Variants in MMP15 observed in about 807,000 individuals in gnomAD.
MMP15 encodes matrix metallopeptidase 15.
A neutral mutation model predicts 65.0 loss-of-function variants in MMP15; 36 were observed. That is an observed-to-expected ratio of 0.55 (90% CI 0.42 to 0.73). MMP15 has a LOEUF of 0.73. MMP15 is among the 30% of genes least tolerant of loss of function. MMP15 has a pLI of 0.00. For synonymous variants in MMP15, 428 were observed against 410.2 expected (o/e 1.04, Z -0.52); for missense variants, 870 against 987.8 (o/e 0.88, Z 1.60).
intron 1 of MMP15, among the ~76,000 whole-genome samples, 191 bp from the exon 2 acceptor site, chr16:58,037,281 T>G (rs1283768618): frequency 6.6e-6 from 1 of 152,190 alleles, no homozygotes; most frequent in East Asian, 1.9e-4. Context: ...CTGGCCTTTG[T>G]TCTGGCTCTT....
intron 1 of MMP15, among the ~76,000 whole-genome samples, chr16:58,031,593 A>C (rs1227819036): frequency 6.6e-6 from 1 of 152,170 alleles, no homozygotes; most frequent in Non-Finnish European, 1.5e-5. Context: ...CTCCAAGTTA[A>C]GGAGTGTGGG....
At position 58,043,162 on chromosome 16, in the gene MMP15, C is replaced by T. The variant is rs373593054; in HGVS notation, c.1304-48C>T. ...AAGAGCATTCTTTTCCCGCACACACCCCTCAGCCCCAGGCCTGACCTCACT... is the reference window on the plus strand; with the variant it reads ...AAGAGCATTCTTTTCCCGCACACACTCCTCAGCCCCAGGCCTGACCTCACT... On this transcript the variant is annotated intron_variant, in intron 7 of 9. Transcript: ENST00000219271. The T allele has an allele frequency of 1.1e-5, 17 of 1,492,072 alleles. No homozygotes were observed. The African/African-American group carries it at 1.7e-4, about 15-fold the overall frequency. The allele number at this position is 1,492,072 out of a possible 1,614,324, so 92.4% of individuals were successfully genotyped here. A position where few individuals can be genotyped will look rare whatever the true frequency, so the allele number is the denominator to read the frequency against.
In MMP15 at chr16:58,045,012, A is replaced by C; in HGVS notation, c.1576A>C (p.Thr526Pro). ...GAFLSNDAAYTYFYKGTKYWK... is the reference protein window; with the variant it reads ...GAFLSNDAAYPYFYKGTKYWK... ...TGGCCTCCTTGCCCCTGCAGCCTAC[A>C]CCTACTTCTACAAGGGCACCAAATA... The change falls in exon 10 of 10, where the codon ACC becomes CCC. Residue 526 changes from threonine to proline, a missense_variant. Thr to Pro is a conservative substitution (Grantham distance 38, BLOSUM62 -1). Transcript: ENST00000219271. 1 of 1,613,246 alleles carries C rather than the reference A, an allele frequency of 6.2e-7. No homozygotes were observed. The highest frequency in any genetic ancestry group is 8.5e-7 in the Non-Finnish European group (1 of 1,179,962).
Position 58,027,611 on chromosome 16 carries a change from C to T in MMP15, c.162+1099C>T, listed in dbSNP as rs536764781. On this transcript the variant is annotated intron_variant, in intron 1 of 9. Coordinates refer to ENST00000219271, the MANE Select transcript of MMP15 (RefSeq NM_002428.4). ...GCTCAGCTGGTGCTCCCTCCCTGGC[C>T]CACGGCGGCTTTCCCACCTCTCCGG... Among the ~76,000 whole-genome samples the T allele has an allele frequency of 2.6e-5, 4 of 152,276 alleles. No homozygotes were observed. In the South Asian group the frequency reaches 8.3e-4, roughly 32 times the overall value.
intron 7 of MMP15, 63 bp from the exon 8 acceptor site, chr16:58,043,147 T>G (rs1959486830): frequency 1.4e-6 from 2 of 1,443,096 alleles, no homozygotes. Context: ...AAGAGCATTC[T>G]TTTCCCGCAC....
chr16:58,036,739 G>C (rs1360529031), intron 1 of MMP15, among the ~76,000 whole-genome samples: 1 of 152,214 alleles, frequency 6.6e-6, no homozygotes, highest in South Asian at 2.1e-4. Flanking sequence ...CCTTCCAGGA[G>C]ATTTAAGGTC....
chr16:58,026,307 G>A lies in MMP15; in HGVS notation c.-44G>A, dbSNP rs1963812930. ...TCGCAAGTTTCCAAGGCGCGTGCGA[G>A]GATCCGGCGTGCAGTGTTCCGAGCT... is the stretch of plus-strand genomic sequence containing the variant. On this transcript the variant is annotated 5_prime_UTR_variant, in exon 1 of 10. Transcript: ENST00000219271. 1 of 1,251,546 alleles carries A rather than the reference G, an allele frequency of 8.0e-7. No homozygotes were observed. Among genetic ancestry groups the A allele is most frequent in the Non-Finnish European group, 1.0e-6 (1 of 997,956 alleles). The allele number at this position is 1,251,546 out of a possible 1,614,324, so 77.5% of individuals were successfully genotyped here.
At chr16:58,033,653 A>C (rs1959277467) in intron 1 of MMP15, among the ~76,000 whole-genome samples, 1 of 152,258 alleles carries the variant, frequency 6.6e-6, no homozygotes, top group Non-Finnish European at 1.5e-5. Context: ...CTGTAATCCC[A>C]GCAATTTGGG....
intron 1 of MMP15, 149 bp from the exon 2 acceptor site, chr16:58,037,323 T>C: frequency 1.0e-6 from 1 of 978,514 alleles, no homozygotes; most frequent in Non-Finnish European, 1.5e-6. Context: ...AGGAGGGTGC[T>C]GAGGCTCACA....
intron 3 of MMP15, among the ~76,000 whole-genome samples, chr16:58,039,271 A>G (rs1342926729): frequency 1.3e-5 from 2 of 152,218 alleles, no homozygotes; most frequent in African/African-American, 4.8e-5. Context: ...CGTCTCTACT[A>G]AAAATACAAA....
rs923021782 is a variant in MMP15, at chr16:58,045,573, ATTAT to A, written c.*132_*135del. 2.4e-5 allele frequency: 17 copies of A among 719,440 alleles called. No individual in the cohort carries two copies. The African/African-American group carries it at 3.1e-4, about 13-fold the overall frequency. The allele number at this position is 719,440 out of a possible 1,614,324, so 44.6% of individuals were successfully genotyped here. A position where few individuals can be genotyped will look rare whatever the true frequency, so the allele number is the denominator to read the frequency against. ...CACACACCCTGTCTGCCCCGCCCTC[ATTAT>A]TTATGTCCAGGTGTTTGTTTTGTTT... On this transcript the variant is annotated 3_prime_UTR_variant, in exon 10 of 10. Transcript: ENST00000219271.
At position 58,045,230 on chromosome 16, in the gene MMP15, T is replaced by C. The variant is rs765258950; in HGVS notation, c.1794T>C (p.Asp598=). ...CAGAGGGCGACGTGGGGGATGGGGATGGGGACTTTGGGGCCGGGGTCAACA... is the reference window on the plus strand; with the variant it reads ...CAGAGGGCGACGTGGGGGATGGGGACGGGGACTTTGGGGCCGGGGTCAACA... ...DSAEGDVGDG[D]GDFGAGVNKD... is the part of the protein sequence containing the mutation. The change falls in exon 10 of 10, where the codon GAT becomes GAC. Residue 598 remains aspartate, a synonymous_variant. Coordinates refer to ENST00000219271, the MANE Select transcript of MMP15 (RefSeq NM_002428.4). 6.2e-7 allele frequency: 1 copy of C among 1,601,962 alleles called. No homozygotes were observed. Among genetic ancestry groups the C allele is most frequent in the South Asian group, 1.1e-5 (1 of 88,778 alleles).
Position 58,045,289 on chromosome 16 carries a change from A to G in MMP15, c.1853A>G (p.Glu618Gly), listed in dbSNP as rs1959539071. 6.2e-7 allele frequency: 1 copy of G among 1,610,560 alleles called. No individual in the cohort carries two copies. Among genetic ancestry groups the G allele is most frequent in the African/African-American group, 1.3e-5 (1 of 74,798 alleles). Residue 618 changes from glutamate (E) to glycine (G), a missense_variant, in exon 10 of 10, where the codon GAG becomes GGG. Glu to Gly is a moderately conservative substitution (Grantham distance 98, BLOSUM62 -2). Transcript: ENST00000219271. The stretch of plus-strand genomic sequence containing the variant: ...GGCAGCCGCGTGGTGGTGCAGATGG[A>G]GGAGGTGGCACGGACGGTGAACGTG... ...DGGSRVVVQM[E>G]EVARTVNVVM...
intron 2 of MMP15, among the ~76,000 whole-genome samples, chr16:58,038,065 C>G (rs1959372494): frequency 6.6e-6 from 1 of 152,262 alleles, no homozygotes; most frequent in South Asian, 2.1e-4. Flanking sequence ...CTCACCTTGA[C>G]TGAACCACTC....
chr16:58,033,100 T>G (rs1959265647), intron 1 of MMP15, among the ~76,000 whole-genome samples: 2 of 152,172 alleles, frequency 1.3e-5, no homozygotes, highest in Non-Finnish European at 2.9e-5. Flanking sequence ...CTGCACAGTA[T>G]TGATCTAGTG....
chr16:58,043,437 A>C, intron 8 of MMP15, 75 bp from the exon 9 acceptor site: 1 of 1,596,094 alleles, frequency 6.3e-7, no homozygotes. Flanking sequence ...CCCAGAAAGA[A>C]TCCACTGCCT....
chr16:58,037,687 C>T (rs1959362124), intron 2 of MMP15, 67 bp downstream of exon 2: 8 of 1,599,200 alleles, frequency 5.0e-6, no homozygotes, highest in Non-Finnish European at 6.0e-6. Flanking sequence ...CTCAAGAGGG[C>T]TCAGCATGTG....
In MMP15 at chr16:58,045,538, T is replaced by C; in HGVS notation, c.*92T>C. 1 of 1,072,962 alleles carries C rather than the reference T, an allele frequency of 9.3e-7. No homozygotes were observed. Among genetic ancestry groups the C allele is most frequent in the Non-Finnish European group, 1.3e-6 (1 of 767,596 alleles). 66.5% of individuals were successfully genotyped at this position (1,072,962 alleles called of 1,614,324 possible). A position where few individuals can be genotyped will look rare whatever the true frequency, so the allele number is the denominator to read the frequency against. On this transcript the variant is annotated 3_prime_UTR_variant, in exon 10 of 10. Transcript: ENST00000219271. Reference sequence around the variant, plus strand: ...CCCTCCGCCCCCAGGTAGGGGCCCCTCTCAGCCCTCACACACCCTGTCTGC... The same window carrying C: ...CCCTCCGCCCCCAGGTAGGGGCCCCCCTCAGCCCTCACACACCCTGTCTGC...
At chr16:58,042,390 A>AGG in intron 7 of MMP15, 21 bp downstream of exon 7, 1 of 1,612,520 alleles carries the variant, frequency 6.2e-7, no homozygotes, top group Non-Finnish European at 8.5e-7. Flanking sequence ...GTAGGGTTAG[A>AGG]GGGTTGGGCA....
Sources: gnomAD v4.1 joint callset for allele counts (sites outside exome capture counted in the v4.1 genomes callset) on GRCh38, gnomAD v4.1.1 for gene constraint, MANE v1.5 for transcripts, NCBI Gene and HGNC (gene_info 2026-07-23, HGNC 2026-07-21) for gene names.